The following TRPM8 variants were observed in gnomAD, a reference collection of about 807,000 sequenced individuals.
TRPM8 encodes TRPM8 cationic channel.
A neutral mutation model predicts 133.7 loss-of-function variants in TRPM8; 110 were observed. That is an observed-to-expected ratio of 0.82 (90% confidence interval 0.70 to 0.96). The LOEUF is 0.96. Among genes scored for constraint, TRPM8 ranks in the 40% least tolerant of loss-of-function variants. The pLI, the probability that TRPM8 is intolerant of heterozygous loss-of-function variation, is 0.00. For synonymous variants in TRPM8, 535 were observed against 532.3 expected (o/e 1.01, Z -0.07); for missense variants, 1,291 against 1,379.5 (o/e 0.94, Z 1.02).
At chr2:233,957,245 A>T (rs1266984197) in intron 11 of TRPM8, among the ~76,000 whole-genome samples, 1 of 152,088 alleles carries the variant, frequency 6.6e-6, no homozygotes, top group East Asian at 1.9e-4. Context: ...CAGCACTTTG[A>T]GAGGCCAAGG....
intron 2 of TRPM8, among the ~76,000 whole-genome samples, chr2:233,927,736 TTC>T (rs1345010794): frequency 1.7e-5 from 1 of 57,358 alleles, no homozygotes; most frequent in African/African-American, 2.8e-4. Flanking sequence ...CTTTCTTTCT[TTC>T]TTTCTTTCTT....
At chr2:233,992,096 A>G (rs1318026704) in intron 21 of TRPM8, among the ~76,000 whole-genome samples, 2 of 152,068 alleles carry the variant, frequency 1.3e-5, no homozygotes, top group Non-Finnish European at 2.9e-5. Context: ...TGGTAGGGGG[A>G]AAAAAGTAAG....
At chr2:233,996,219 A>T in intron 21 of TRPM8, 107 bp from the exon 22 acceptor site, 1 of 999,214 alleles carries the variant, frequency 1.0e-6, no homozygotes. Flanking sequence ...TCCTGTCTGT[A>T]CTTAAGCTAT....
At chr2:233,953,752 T>C in intron 9 of TRPM8, 165 bp from the exon 10 acceptor site, 1 of 566,194 alleles carries the variant, frequency 1.8e-6, no homozygotes, top group South Asian at 2.2e-5. Context: ...ACCAATACTT[T>C]ATTCTCACTG....
chr2:233,967,729 C>T (rs1208328784), intron 15 of TRPM8, among the ~76,000 whole-genome samples: 1 of 152,190 alleles, frequency 6.6e-6, no homozygotes, highest in East Asian at 1.9e-4. Context: ...CGGAGAGCGT[C>T]TTGCTATTGC....
chr2:233,924,700 A>C (rs1223192129), intron 1 of TRPM8, among the ~76,000 whole-genome samples: 1 of 152,180 alleles, frequency 6.6e-6, no homozygotes, highest in Non-Finnish European at 1.5e-5. Context: ...TCTTTGATAG[A>C]AATGTGATTT....
At position 233,960,880 on chromosome 2, in the gene TRPM8, C is replaced by T. The variant is rs1691418057; in HGVS notation, c.1467C>T (p.Thr489=). Residue 489 remains threonine, a synonymous_variant, in exon 12 of 26, where the codon ACC becomes ACT. Coordinates refer to ENST00000324695, the MANE Select transcript of TRPM8 (RefSeq NM_024080.5). The part of the protein sequence containing the change: ...ENGLNLRKFL[T]HDVLTELFSN... The stretch of plus-strand genomic sequence containing the variant: ...GCTTGAACCTACGGAAGTTTCTCAC[C>T]CATGATGTCCTCACTGAACTCTTCT... The T allele has an allele frequency of 1.9e-6, 3 of 1,614,188 alleles. No individual in the cohort carries two copies. Among genetic ancestry groups the T allele is most frequent in the Non-Finnish European group, 2.5e-6 (3 of 1,180,046 alleles).
chr2:233,973,825 CAG>C (rs573149957), intron 17 of TRPM8, among the ~76,000 whole-genome samples: 3 of 152,312 alleles, frequency 2.0e-5, no homozygotes, highest in African/African-American at 7.2e-5. Flanking sequence ...TCATTTAAAA[CAG>C]GGTGGGCCCA....
At chr2:233,942,071 CTTT>C (rs796852025) in intron 5 of TRPM8, among the ~76,000 whole-genome samples, 1 of 111,698 alleles carries the variant, frequency 9.0e-6, no homozygotes. Context: ...GGTCAAGAAT[CTTT>C]TTTTTTTTTT....
Position 233,962,752 on chromosome 2 carries a change from T to C in TRPM8, c.1654-530T>C, listed in dbSNP as rs181973164. 9.8e-5 allele frequency among the ~76,000 whole-genome samples: 15 copies of C among 152,352 alleles called. No individual in the cohort carries two copies. In the East Asian group the frequency reaches 2.7e-3, roughly 27 times the overall value. On this transcript the variant is annotated intron_variant, in intron 12 of 25. Coordinates refer to ENST00000324695, the MANE Select transcript of TRPM8 (RefSeq NM_024080.5). ...AAAGAAGTTGAAAAGGAATATATTA[T>C]ATATATCCATTTAGTTGTTTTCTAC...
In TRPM8 at chr2:233,939,283, A is replaced by G. The variant is rs1286458845; in HGVS notation, c.526+108A>G. On this transcript the variant is annotated intron_variant, in intron 5 of 25. Coordinates refer to ENST00000324695, the MANE Select transcript of TRPM8 (RefSeq NM_024080.5). Reference sequence around the variant, plus strand: ...AATTCCGGAGAATCCGGGTGCTGCTAGAAGCATCTGATTAATCGTTATCTT... The same window carrying G: ...AATTCCGGAGAATCCGGGTGCTGCTGGAAGCATCTGATTAATCGTTATCTT... The G allele has an allele frequency of 4.1e-6, 5 of 1,213,774 alleles. No homozygotes were observed. The Admixed American group carries it at 6.8e-5, about 16-fold the overall frequency. The allele number at this position is 1,213,774 out of a possible 1,614,324, so 75.2% of individuals were successfully genotyped here.
At chr2:233,923,038 T>A (rs1378021904) in intron 1 of TRPM8, among the ~76,000 whole-genome samples, 2 of 152,006 alleles carry the variant, frequency 1.3e-5, no homozygotes, top group Non-Finnish European at 2.9e-5. Flanking sequence ...TGGCTAATTT[T>A]TTTTGTTGTT....
intron 23 of TRPM8, 91 bp from the exon 24 acceptor site, chr2:234,007,979 T>A (rs572786304): frequency 1.6e-6 from 2 of 1,257,474 alleles, no homozygotes; most frequent in South Asian, 1.3e-5. Flanking sequence ...ATTCTGTACT[T>A]TAATTTAAAA....
intron 3 of TRPM8, among the ~76,000 whole-genome samples, chr2:233,934,315 C>T (rs1480492879): frequency 1.3e-5 from 2 of 152,184 alleles, no homozygotes; most frequent in Non-Finnish European, 2.9e-5. Flanking sequence ...GGTGCCTGAT[C>T]TTCCATGTCA....
intron 8 of TRPM8, among the ~76,000 whole-genome samples, chr2:233,948,961 A>G (rs1406279376): frequency 6.6e-6 from 1 of 152,142 alleles, no homozygotes; most frequent in Non-Finnish European, 1.5e-5. Context: ...TTGAACCCAG[A>G]AGCTGGAGGT....
At chr2:233,946,183 T>G (rs778828044) in intron 7 of TRPM8, 153 bp downstream of exon 7, 11 of 750,570 alleles carry the variant, frequency 1.5e-5, no homozygotes, top group Non-Finnish European at 2.1e-5. Flanking sequence ...TCTTAATTTT[T>G]CCAACACATC....
chr2:233,963,931 G>C (rs1161938381), intron 13 of TRPM8, among the ~76,000 whole-genome samples: 1 of 152,138 alleles, frequency 6.6e-6, no homozygotes, highest in Non-Finnish European at 1.5e-5. Context: ...TCCAGTATGA[G>C]AGTGAATTAG....
At chr2:233,921,677 C>CTTTTTTTTTTT (rs11373529) in intron 1 of TRPM8, among the ~76,000 whole-genome samples, 74 of 106,640 alleles carry the variant, frequency 6.9e-4, no homozygotes, top group East Asian at 1.3e-3. Context: ...CTTTTCTTTT[C>CTTTTTTTTTTT]TTTTTTTTTT....
intron 23 of TRPM8, among the ~76,000 whole-genome samples, chr2:234,007,737 C>T (rs1692729057): frequency 6.6e-6 from 1 of 152,202 alleles, no homozygotes; most frequent in Non-Finnish European, 1.5e-5. Context: ...GTTCTAACAA[C>T]AGAGATGATG....
Sources: gnomAD v4.1 joint callset for allele counts (sites outside exome capture counted in the v4.1 genomes callset) on GRCh38, gnomAD v4.1.1 for gene constraint, MANE v1.5 for transcripts, NCBI Gene and HGNC (gene_info 2026-07-23, HGNC 2026-07-21) for gene names.